Variants in C1QTNF3 observed in about 807,000 individuals in gnomAD.
C1QTNF3 encodes the protein complement C1q tumor necrosis factor-related protein 3.
A neutral mutation model predicts 32.6 loss-of-function variants in C1QTNF3; 26 were observed. The observed-to-expected ratio is 0.80, with a 90% CI of 0.58 to 1.11. C1QTNF3 has a LOEUF of 1.11. Ranked by LOEUF, C1QTNF3 falls within the 50% of genes least tolerant of loss-of-function variation. C1QTNF3 has a pLI of 0.00. For missense variants in C1QTNF3, 362 were observed against 398.2 expected, an observed-to-expected ratio of 0.91 and a Z score of 0.77; for synonymous variants, 155 against 146.0, an observed-to-expected ratio of 1.06 and a Z score of -0.44.
At chr5:34,178,242 C>T in the C1QTNF3 span, among the ~76,000 whole-genome samples, 5 of 151,806 alleles carry the variant, frequency 3.3e-5, no homozygotes. Context: ...GATTGCACCA[C>T]TACACTCCAG....
chr5:34,165,200 G>C, the C1QTNF3 span: 1 of 152,090 alleles, frequency 6.6e-6, no homozygotes. Context: ...CTCTGACTGA[G>C]AGTTATACCA....
the C1QTNF3 span, among the ~76,000 whole-genome samples, chr5:34,118,170 CCT>C: frequency 6.6e-6 from 1 of 152,114 alleles, no homozygotes; most frequent in South Asian, 2.1e-4. Context: ...ACCTCTGCCT[CCT>C]GAGTTCAAGT....
chr5:34,023,807 A>G (rs1754398596), intron 5 of C1QTNF3, 102 bp downstream of exon 5: 1 of 778,262 alleles, frequency 1.3e-6, no homozygotes, highest in Non-Finnish European at 2.2e-6. Flanking sequence ...GATAGGGGCC[A>G]TGTCAGGCTC....
At chr5:34,146,435 A>G in the C1QTNF3 span, among the ~76,000 whole-genome samples, 2 of 152,252 alleles carry the variant, frequency 1.3e-5, no homozygotes, top group South Asian at 4.1e-4. Context: ...GGCCACAGTC[A>G]TAAAAATAGC....
At chr5:34,127,414 T>C in the C1QTNF3 span, among the ~76,000 whole-genome samples, 1 of 151,798 alleles carries the variant, frequency 6.6e-6, no homozygotes, top group Non-Finnish European at 1.5e-5. Context: ...TATTGTGAAC[T>C]ATAGTAAAGG....
the C1QTNF3 span, among the ~76,000 whole-genome samples, chr5:34,111,213 T>G: frequency 3.9e-5 from 6 of 152,044 alleles, no homozygotes; most frequent in African/African-American, 1.4e-4. Context: ...TGGACATTTT[T>G]TATTAAATCT....
the C1QTNF3 span, among the ~76,000 whole-genome samples, chr5:34,063,519 G>T: frequency 2.2e-4 from 34 of 152,118 alleles, no homozygotes; most frequent in Non-Finnish European, 4.4e-4. Flanking sequence ...TTGTACTGGT[G>T]GGGGGGCTGG....
chr5:34,177,194 A>C, the C1QTNF3 span, among the ~76,000 whole-genome samples: 3 of 152,142 alleles, frequency 2.0e-5, no homozygotes, highest in Non-Finnish European at 4.4e-5. Flanking sequence ...CTCAAAAAAA[A>C]ATTTTTTTAA....
At chr5:34,116,384 A>G in the C1QTNF3 span, among the ~76,000 whole-genome samples, 1 of 152,108 alleles carries the variant, frequency 6.6e-6, no homozygotes, top group Non-Finnish European at 1.5e-5. Flanking sequence ...TTCTTTATTG[A>G]TCTGTCTCCT....
the C1QTNF3 span, chr5:34,175,599 T>C: frequency 2.2e-6 from 1 of 445,700 alleles, no homozygotes; most frequent in Non-Finnish European, 4.2e-6. Flanking sequence ...CAGACTCTCA[T>C]GTTTGCTTTT....
chr5:34,129,264 T>C, the C1QTNF3 span, among the ~76,000 whole-genome samples: 8 of 152,148 alleles, frequency 5.3e-5, no homozygotes, highest in Non-Finnish European at 1.0e-4. Flanking sequence ...CAGTCTCAGG[T>C]AGTTCTTTAC....
the C1QTNF3 span, among the ~76,000 whole-genome samples, chr5:34,135,115 G>T: frequency 2.0e-5 from 3 of 152,178 alleles, no homozygotes; most frequent in African/African-American, 7.2e-5. Context: ...TTTATTGAAC[G>T]TTTTCAGCAT....
At chr5:34,208,773 T>G in the C1QTNF3 span, among the ~76,000 whole-genome samples, 1 of 152,184 alleles carries the variant, frequency 6.6e-6, no homozygotes, top group Non-Finnish European at 1.5e-5. Flanking sequence ...ATATTAACTA[T>G]TAGGATAATG....
the C1QTNF3 span, among the ~76,000 whole-genome samples, chr5:34,129,434 G>A: frequency 1.3e-5 from 2 of 152,276 alleles, no homozygotes; most frequent in East Asian, 1.9e-4. Context: ...AGGAGTGAGA[G>A]GAATGAAGAG....
upstream of C1QTNF3, among the ~76,000 whole-genome samples, chr5:34,047,075 T>C (rs16892222): frequency 0.041 from 6,212 of 152,310 alleles, 461 homozygotes; most frequent in African/African-American, 0.14. Context: ...TTTTTACCTA[T>C]GGGTTGAATA....
the C1QTNF3 span, among the ~76,000 whole-genome samples, chr5:34,241,937 GAGGA>G: frequency 1.6e-5 from 2 of 127,382 alleles, no homozygotes; most frequent in African/African-American, 5.7e-5. Context: ...GGACGGAAGG[GAGGA>G]AGGGAGGGAG....
At chr5:34,212,357 G>C in the C1QTNF3 span, among the ~76,000 whole-genome samples, 1 of 152,050 alleles carries the variant, frequency 6.6e-6, no homozygotes, top group Non-Finnish European at 1.5e-5. Flanking sequence ...AGGACTTCAT[G>C]TCTAAAACAC....
the C1QTNF3 span, among the ~76,000 whole-genome samples, chr5:34,120,442 A>C: frequency 6.6e-6 from 1 of 152,196 alleles, no homozygotes; most frequent in Non-Finnish European, 1.5e-5. Flanking sequence ...TGGAAATTTG[A>C]CAGTAAATGC....
the C1QTNF3 span, among the ~76,000 whole-genome samples, chr5:34,076,104 G>C: frequency 1.3e-5 from 2 of 151,616 alleles, no homozygotes; most frequent in Admixed American, 6.6e-5. Flanking sequence ...AAAGTTGGCT[G>C]TCAGTGACCG....
Sources: allele counts gnomAD v4.1 joint callset (sites outside exome capture counted in the v4.1 genomes callset), GRCh38; gene constraint gnomAD v4.1.1; transcripts MANE v1.5; gene names NCBI Gene and HGNC (gene_info 2026-07-23, HGNC 2026-07-21).